NEMP2: variants seen among roughly 807,000 people sequenced by gnomAD.
The protein encoded by NEMP2 is nuclear envelope integral membrane protein 2.
In NEMP2, 53 loss-of-function variants were observed where a neutral mutation model predicts 54.2. The ratio of observed to expected loss-of-function variants is 0.98; its 90% CI spans 0.78 to 1.23. The LOEUF (loss-of-function observed/expected upper bound fraction) is 1.23, where lower values mean the gene tolerates loss of function less well. NEMP2 is among the 50% of genes most tolerant of loss of function. The pLI is 0.00. For missense variants in NEMP2, 455 were observed against 511.3 expected (o/e 0.89, Z 1.06); for synonymous variants, 197 against 190.3 (o/e 1.04, Z -0.29).
the NEMP2 span, among the ~76,000 whole-genome samples, chr2:190,550,552 A>T: frequency 6.6e-6 from 1 of 152,232 alleles, no homozygotes; most frequent in Non-Finnish European, 1.5e-5. The surrounding 1 kb of genome is among the most constrained non-coding windows in gnomAD (Gnocchi z 4.7). Context: ...CGTTACACAC[A>T]CAACAGGATC....
At chr2:190,452,545 A>C in the NEMP2 span, among the ~76,000 whole-genome samples, 2 of 152,214 alleles carry the variant, frequency 1.3e-5, no homozygotes, top group Non-Finnish European at 2.9e-5. Context: ...CATAGGATTT[A>C]AACCCCAAAG....
the NEMP2 span, chr2:190,463,862 T>C: frequency 1.0e-6 from 1 of 981,758 alleles, no homozygotes; most frequent in Non-Finnish European, 1.2e-6. The surrounding 1 kb of genome is among the most constrained non-coding windows in gnomAD (Gnocchi z 4.4). Context: ...AAGCTGAGAA[T>C]GATGGAGCCC....
the NEMP2 span, among the ~76,000 whole-genome samples, chr2:190,602,922 T>C: frequency 1.3e-5 from 2 of 152,184 alleles, no homozygotes. Context: ...TGAAGAGTCC[T>C]TGCTGGAATG....
At chr2:190,579,883 T>G in the NEMP2 span, among the ~76,000 whole-genome samples, 1 of 152,250 alleles carries the variant, frequency 6.6e-6, no homozygotes, top group Non-Finnish European at 1.5e-5. Flanking sequence ...CTTCAGTGAT[T>G]AAAAACTTTC....
At chr2:190,569,418 C>G in the NEMP2 span, among the ~76,000 whole-genome samples, 2 of 100,930 alleles carry the variant, frequency 2.0e-5, no homozygotes, top group African/African-American at 7.4e-5. Flanking sequence ...AAAGGAAAGT[C>G]CAGGAAGGAA....
chr2:190,455,309 GT>G, the NEMP2 span, among the ~76,000 whole-genome samples: 2 of 151,986 alleles, frequency 1.3e-5, no homozygotes, highest in Non-Finnish European at 2.9e-5. Context: ...GAAATCTAAC[GT>G]TTTAAGTATA....
At chr2:190,628,128 C>G in the NEMP2 span, 1 of 152,302 alleles carries the variant, frequency 6.6e-6, no homozygotes, top group Non-Finnish European at 1.5e-5. The surrounding 1 kb of genome is among the most constrained non-coding windows in gnomAD (Gnocchi z 4.1). Flanking sequence ...AGAATCGCAG[C>G]GTTTAGAGCC....
At chr2:190,534,992 C>A (rs972412998), upstream of NEMP2, 2 of 214,906 alleles carry the variant, frequency 9.3e-6, no homozygotes, top group African/African-American at 2.3e-5. Context: ...GGGGACCGCC[C>A]GGCCGTGTCC....
At chr2:190,622,267 G>A in the NEMP2 span, among the ~76,000 whole-genome samples, 15 of 151,894 alleles carry the variant, frequency 9.9e-5, no homozygotes, top group East Asian at 2.7e-3. Flanking sequence ...AATTAACTGG[G>A]TGTGGTGGTG....
chr2:190,428,077 A>G, the NEMP2 span, among the ~76,000 whole-genome samples: 1 of 151,982 alleles, frequency 6.6e-6, no homozygotes. Context: ...CCTGTTTATT[A>G]TTTTTCCATA....
the NEMP2 span, chr2:190,497,845 G>A: frequency 1.7e-6 from 2 of 1,152,320 alleles, no homozygotes; most frequent in South Asian, 1.6e-5. The surrounding 1 kb of genome is among the most constrained non-coding windows in gnomAD (Gnocchi z 5.2). Flanking sequence ...AAATAGACAT[G>A]CAAACAATTT....
At chr2:190,554,515 C>T in the NEMP2 span, among the ~76,000 whole-genome samples, 1 of 152,326 alleles carries the variant, frequency 6.6e-6, no homozygotes, top group Non-Finnish European at 1.5e-5. This position sits in a 1 kb window ranked among gnomAD's most constrained non-coding sequence, Gnocchi z 5.7. Flanking sequence ...TGGTTTTACC[C>T]TCACAGTGTA....
chr2:190,473,884 T>C, the NEMP2 span, among the ~76,000 whole-genome samples: 1 of 152,080 alleles, frequency 6.6e-6, no homozygotes, highest in East Asian at 1.9e-4. Flanking sequence ...CACAGTGCAA[T>C]CAAACTAGAA....
chr2:190,567,004 G>A, the NEMP2 span, among the ~76,000 whole-genome samples: 1 of 151,938 alleles, frequency 6.6e-6, no homozygotes, highest in Admixed American at 6.6e-5. This position sits in a 1 kb window ranked among gnomAD's most constrained non-coding sequence, Gnocchi z 4.0. Context: ...TAAAAGAGAG[G>A]AGGAAACATG....
the NEMP2 span, among the ~76,000 whole-genome samples, chr2:190,450,606 C>G: frequency 6.6e-6 from 1 of 151,290 alleles, no homozygotes; most frequent in South Asian, 2.1e-4. Flanking sequence ...GATACCCCCA[C>G]CCCAGCCTCC....
downstream of NEMP2, among the ~76,000 whole-genome samples, chr2:190,499,532 G>A (rs545600815): frequency 1.1e-4 from 16 of 152,240 alleles, no homozygotes; most frequent in South Asian, 2.7e-3. This position sits in a 1 kb window ranked among gnomAD's most constrained non-coding sequence, Gnocchi z 6.0. Flanking sequence ...TATATATCAG[G>A]ACTCTTAATT....
Position 190,528,990 on chromosome 2 carries a change from C to T in NEMP2, c.98-3612G>A, listed in dbSNP as rs1019164359. ...TCCCTGCTTCCAGAATTGCTGCCCC[C>T]CAACTACCATGTTTTCCCCTACAAC... On this transcript the variant is annotated intron_variant, in intron 1 of 8. Transcript: ENST00000409150. This position sits in a 1 kb window ranked among gnomAD's most constrained non-coding sequence, Gnocchi z 4.3. Among the ~76,000 whole-genome samples the T allele has an allele frequency of 6.6e-6, 1 of 152,176 alleles. No individual in the cohort carries two copies. Among genetic ancestry groups the T allele is most frequent in the African/African-American group, 2.4e-5 (1 of 41,430 alleles).
At chr2:190,612,901 G>A in the NEMP2 span, among the ~76,000 whole-genome samples, 1 of 151,964 alleles carries the variant, frequency 6.6e-6, no homozygotes, top group African/African-American at 2.4e-5. Context: ...TAGAATGAAT[G>A]TTTTCCTACA....
rs538063924 is a variant in NEMP2 at position 190,512,822 on chromosome 2, C to A, written c.953+1631G>T. Among the ~76,000 whole-genome samples the A allele has an allele frequency of 6.6e-6, 1 of 152,294 alleles. No individual in the cohort carries two copies. Among genetic ancestry groups the A allele is most frequent in the South Asian group, 2.1e-4 (1 of 4,826 alleles). On this transcript the variant is annotated intron_variant, in intron 7 of 8. Transcript: ENST00000409150. The surrounding 1 kb of genome is among the most constrained non-coding windows in gnomAD (Gnocchi z 4.5). ...ACCCAGTCAGCATCAACCCTCCAAC[C>A]CTGCCCTGCTGCCTTTCAGCCCCGC...
Sources: gnomAD v4.1 joint callset for allele counts (sites outside exome capture counted in the v4.1 genomes callset) on GRCh38, gnomAD v4.1.1 for gene constraint, Gnocchi (gnomAD v3.1) non-coding constraint, MANE v1.5 for transcripts, NCBI Gene and HGNC (gene_info 2026-07-23, HGNC 2026-07-21) for gene names.